The following MTHFD1L variants were observed in gnomAD, a reference collection of about 807,000 sequenced individuals.
MTHFD1L encodes monofunctional C1-tetrahydrofolate synthase, mitochondrial.
In MTHFD1L, 81 loss-of-function variants were observed where a neutral mutation model predicts 119.5. The ratio of observed to expected loss-of-function variants is 0.68; its 90% CI spans 0.57 to 0.82. MTHFD1L has a LOEUF of 0.82. MTHFD1L is among the 40% of genes least tolerant of loss of function. The probability of loss-of-function intolerance (pLI) is 0.00; values close to 1 mark genes in which losing one functional copy is unlikely to be tolerated. For synonymous variants in MTHFD1L, 430 were observed against 475.2 expected (o/e 0.90, Z 1.24); for missense variants, 1,125 against 1,253.4 (o/e 0.90, Z 1.55).
rs1353115606 is a variant in MTHFD1L, at chr6:150,918,360, G to A, written c.893-217G>A. The stretch of plus-strand genomic sequence containing the variant: ...TTACAGGTGTGAGCCACTGCACCCG[G>A]CCAGATGGCCATTTCTCTAATGTAA... On this transcript the variant is annotated intron_variant, in intron 8 of 27. Transcript: ENST00000367321. Among the ~76,000 whole-genome samples the A allele has an allele frequency of 7.9e-5, 12 of 152,310 alleles. No homozygotes were observed. In the South Asian group the frequency reaches 1.0e-3, roughly 13 times the overall value.
chr6:150,939,981 A>G (rs1442052410), intron 13 of MTHFD1L, among the ~76,000 whole-genome samples: 1 of 151,924 alleles, frequency 6.6e-6, no homozygotes, highest in East Asian at 1.9e-4. Flanking sequence ...CACTGTGCCC[A>G]GCCCTTGCAG....
intron 26 of MTHFD1L, among the ~76,000 whole-genome samples, chr6:151,055,590 C>T (rs886373991): frequency 3.3e-5 from 5 of 150,992 alleles, no homozygotes; most frequent in South Asian, 2.1e-4. Context: ...TGCAGTGGCG[C>T]GATCTCGGCT....
intron 13 of MTHFD1L, among the ~76,000 whole-genome samples, chr6:150,940,419 G>A (rs1792890048): frequency 6.6e-6 from 1 of 152,068 alleles, no homozygotes; most frequent in Non-Finnish European, 1.5e-5. Flanking sequence ...TACCATTCAT[G>A]AGCCAGCAAG....
chr6:150,938,856 A>T, intron 13 of MTHFD1L, 111 bp downstream of exon 13: 1 of 1,332,214 alleles, frequency 7.5e-7, no homozygotes, highest in Non-Finnish European at 1.1e-6. Context: ...TCCCAAAGTC[A>T]TTAAGGCTCT....
chr6:151,001,096 GTTC>G (rs1235385440), intron 20 of MTHFD1L, among the ~76,000 whole-genome samples: 2 of 152,188 alleles, frequency 1.3e-5, no homozygotes, highest in Non-Finnish European at 2.9e-5. Flanking sequence ...GCAAGGACTA[GTTC>G]TTCTGTGAAA....
At chr6:150,978,204 T>A (rs1040891525) in intron 20 of MTHFD1L, among the ~76,000 whole-genome samples, 1 of 152,086 alleles carries the variant, frequency 6.6e-6, no homozygotes, top group South Asian at 2.1e-4. Flanking sequence ...GGCCACCTTT[T>A]TTTTTTAACC....
chr6:151,045,046 A>C (rs1787762075), intron 26 of MTHFD1L, among the ~76,000 whole-genome samples: 1 of 152,076 alleles, frequency 6.6e-6, no homozygotes, highest in Non-Finnish European at 1.5e-5. Context: ...TCAGTGATGA[A>C]GTTATTTGTG....
chr6:151,044,234 C>CA (rs1250683665), intron 26 of MTHFD1L, among the ~76,000 whole-genome samples: 1 of 152,022 alleles, frequency 6.6e-6, no homozygotes, highest in Non-Finnish European at 1.5e-5. Context: ...GTAACTCCTT[C>CA]ACTTTGGCCC....
rs369562846 is a variant in MTHFD1L, at chr6:150,926,480, G to A, written c.1256+185G>A. Among the ~76,000 whole-genome samples, 81 of 152,128 alleles carry A rather than the reference G, an allele frequency of 5.3e-4. No individual in the cohort carries two copies. The highest frequency in any genetic ancestry group is 1.8e-3 in the African/African-American group (76 of 41,506). On this transcript the variant is annotated intron_variant, in intron 11 of 27. Transcript: ENST00000367321. This position sits in a 1 kb window ranked among gnomAD's most constrained non-coding sequence, Gnocchi z 4.3. ...ATTTTCAGTGCAGAGCAAACTAGTC[G>A]ACTCTACACAAGATAAAGTCAAACA...
chr6:151,074,724 A>C (rs941340613), intron 26 of MTHFD1L, among the ~76,000 whole-genome samples: 1 of 152,216 alleles, frequency 6.6e-6, no homozygotes, highest in Non-Finnish European at 1.5e-5. Context: ...AATACTTACC[A>C]TTCTGTTACA....
intron 26 of MTHFD1L, among the ~76,000 whole-genome samples, chr6:151,043,408 G>T (rs1368856454): frequency 1.3e-5 from 2 of 151,826 alleles, no homozygotes; most frequent in African/African-American, 4.8e-5. Flanking sequence ...GGGACTACAG[G>T]TATATGCCAC....
intron 26 of MTHFD1L, among the ~76,000 whole-genome samples, chr6:151,072,617 C>T (rs747252527): frequency 1.3e-5 from 2 of 151,882 alleles, no homozygotes; most frequent in Non-Finnish European, 2.9e-5. Context: ...GTTGAAACCC[C>T]GTCTCTACCA....
At chr6:151,059,325 C>T (rs1053108780) in intron 26 of MTHFD1L, among the ~76,000 whole-genome samples, 2 of 151,964 alleles carry the variant, frequency 1.3e-5, no homozygotes, top group Non-Finnish European at 2.9e-5. Context: ...ATTTTCCTGC[C>T]TGCGCCACCA....
rs373039961 is a variant in MTHFD1L at position 150,883,040 on chromosome 6, T to G, written c.542+154T>G. Among the ~76,000 whole-genome samples the G allele has an allele frequency of 6.6e-4, 100 of 152,166 alleles. 5 individuals are homozygous for G. In the South Asian group the frequency reaches 0.017, roughly 27 times the overall value. On this transcript the variant is annotated intron_variant, in intron 5 of 27. Transcript: ENST00000367321. ...AAATATTTCAGGAGTCTATAGGATT[T>G]TTTTTTTTTTGAGATGGAGTCTCGC...
rs138179049 is a variant in MTHFD1L at position 151,032,467 on chromosome 6, G to A, written c.2587-2026G>A. Among the ~76,000 whole-genome samples, 642 of 152,212 alleles carry A rather than the reference G, an allele frequency of 4.2e-3. 2 individuals carry two copies. Among genetic ancestry groups the A allele is most frequent in the African/African-American group, 0.015 (608 of 41,526 alleles). On this transcript the variant is annotated intron_variant, in intron 24 of 27. Coordinates refer to ENST00000367321, the MANE Select transcript of MTHFD1L (RefSeq NM_015440.5). ...GAGGACAGTACCAAGCCATTCATGA[G>A]GGATCCGCCCCCGTGATCCAAACAC...
intron 11 of MTHFD1L, 24 bp from the exon 12 acceptor site, chr6:150,936,780 T>G (rs1331796634): frequency 6.2e-7 from 1 of 1,603,594 alleles, no homozygotes; most frequent in Non-Finnish European, 8.5e-7. Context: ...TATTATAAAA[T>G]TCACTTTCTC....
At chr6:151,018,159 T>C (rs907953418) in intron 24 of MTHFD1L, among the ~76,000 whole-genome samples, 2 of 152,142 alleles carry the variant, frequency 1.3e-5, no homozygotes, top group African/African-American at 4.8e-5. Context: ...TAGTGCATGA[T>C]TGTGGAGTGC....
chr6:151,075,920 T>C (rs918829568), intron 26 of MTHFD1L, among the ~76,000 whole-genome samples: 2 of 152,118 alleles, frequency 1.3e-5, no homozygotes, highest in Non-Finnish European at 2.9e-5. Context: ...CAAAACTCAA[T>C]GAGAAAATAA....
chr6:151,082,310 C>T, intron 26 of MTHFD1L, among the ~76,000 whole-genome samples: 1 of 152,132 alleles, frequency 6.6e-6, no homozygotes, highest in East Asian at 1.9e-4. Context: ...ACTGAAGGGC[C>T]ATTTAGAATC....
Sources: gnomAD v4.1 joint callset for allele counts (sites outside exome capture counted in the v4.1 genomes callset) on GRCh38, gnomAD v4.1.1 for gene constraint, Gnocchi (gnomAD v3.1) non-coding constraint, MANE v1.5 for transcripts, NCBI Gene and HGNC (gene_info 2026-07-23, HGNC 2026-07-21) for gene names.